The following GLT1D1 variants were observed in gnomAD, a reference collection of about 807,000 sequenced individuals.
The protein encoded by GLT1D1 is glycosyltransferase 1 domain containing 1.
Under a neutral mutation model 28.7 loss-of-function variants are expected in GLT1D1, and 21 were observed. The observed-to-expected ratio is 0.73, with a 90% CI of 0.52 to 1.05. The LOEUF is 1.05. GLT1D1 is among the 50% of genes least tolerant of loss of function. The pLI, the probability that GLT1D1 is intolerant of heterozygous loss-of-function variation, is 0.00. For missense variants in GLT1D1, 343 were observed against 330.6 expected (o/e 1.04, Z -0.29); for synonymous variants, 147 against 124.8 (o/e 1.18, Z -1.19).
rs543221894 is a variant in GLT1D1 at position 128,954,425 on chromosome 12, C to G, written c.541-3120C>G. Among the ~76,000 whole-genome samples the G allele has an allele frequency of 3.3e-5, 5 of 152,168 alleles. No individual in the cohort carries two copies. In the East Asian group the frequency reaches 7.7e-4, roughly 24 times the overall value. On this transcript the variant is annotated intron_variant, in intron 6 of 7. Coordinates refer to ENST00000281703, the MANE Select transcript of GLT1D1 (RefSeq NM_144669.3). ...GATTACAGGCGTGAGCCACTGTGCC[C>G]AGGCTAATATAGCTTTAATATAATT...
chr12:128,890,676 T>C (rs1354812845), intron 3 of GLT1D1, among the ~76,000 whole-genome samples: 3 of 150,876 alleles, frequency 2.0e-5, no homozygotes, highest in Non-Finnish European at 4.4e-5. Flanking sequence ...TTCCGGCTAC[T>C]TGGGAGGCTG....
At chr12:128,863,789 CA>C (rs1220925959) in intron 1 of GLT1D1, among the ~76,000 whole-genome samples, 2 of 151,440 alleles carry the variant, frequency 1.3e-5, no homozygotes, top group Non-Finnish European at 2.9e-5. Context: ...ACTAAAAATA[CA>C]AAAAAAGTAG....
At chr12:128,871,790 C>T (rs1384712328) in intron 1 of GLT1D1, among the ~76,000 whole-genome samples, 2 of 152,060 alleles carry the variant, frequency 1.3e-5, no homozygotes, top group Non-Finnish European at 2.9e-5. Flanking sequence ...AAATGCACAC[C>T]AGTTAATTCA....
intron 1 of GLT1D1, among the ~76,000 whole-genome samples, chr12:128,861,302 C>T (rs141556994): frequency 4.6e-5 from 7 of 152,130 alleles, no homozygotes; most frequent in Admixed American, 1.3e-4. Context: ...AGAACAGAGG[C>T]CCTCTGACCC....
At chr12:128,963,149 C>T (rs919542957) in intron 7 of GLT1D1, among the ~76,000 whole-genome samples, 3 of 152,164 alleles carry the variant, frequency 2.0e-5, no homozygotes, top group Non-Finnish European at 4.4e-5. Flanking sequence ...TGCACACCAA[C>T]GACAGTGGGT....
intron 2 of GLT1D1, among the ~76,000 whole-genome samples, chr12:128,879,382 CTTTCTT>C (rs1956956044): frequency 3.4e-5 from 1 of 29,356 alleles, no homozygotes; most frequent in Non-Finnish European, 6.4e-5. Context: ...TTTTCTTTTT[CTTTCTT>C]TCTTTCTTTC....
Position 128,853,559 on chromosome 12 carries a change from A to G in GLT1D1, c.-23A>G. ...TGGTCGGCGGCGGCGGGGCCGGTCG[A>G]TGGCCCGGGCGGCGGCGGCGGCATG... On this transcript the variant is annotated 5_prime_UTR_variant, in exon 1 of 8. An upstream start codon of the reference 5' UTR is lost. Coordinates refer to ENST00000281703, the MANE Select transcript of GLT1D1 (RefSeq NM_144669.3). The G allele has an allele frequency of 9.3e-7, 1 of 1,073,572 alleles. No homozygotes were observed. Among genetic ancestry groups the G allele is most frequent in the African/African-American group, 1.7e-5 (1 of 58,752 alleles). 66.5% of individuals were successfully genotyped at this position (1,073,572 alleles called of 1,614,324 possible). A position where few individuals can be genotyped will look rare whatever the true frequency, so the allele number is the denominator to read the frequency against.
At chr12:128,865,673 T>C (rs1017973571) in intron 1 of GLT1D1, among the ~76,000 whole-genome samples, 2 of 151,918 alleles carry the variant, frequency 1.3e-5, no homozygotes, top group Admixed American at 6.6e-5. Flanking sequence ...AATACAAAAA[T>C]TAGCCAGGCG....
At chr12:128,927,716 G>A (rs1288418938) in intron 4 of GLT1D1, among the ~76,000 whole-genome samples, 2 of 151,812 alleles carry the variant, frequency 1.3e-5, no homozygotes, top group African/African-American at 2.4e-5. Context: ...AGAGGAGTCC[G>A]GCTGGGCGCA....
intron 4 of GLT1D1, among the ~76,000 whole-genome samples, chr12:128,906,634 G>T (rs1870895439): frequency 6.6e-6 from 1 of 151,866 alleles, no homozygotes; most frequent in South Asian, 2.1e-4. Flanking sequence ...ACAAAAAAAA[G>T]CACAGTGTCA....
At chr12:128,936,396 C>T (rs61945031) in intron 4 of GLT1D1, among the ~76,000 whole-genome samples, 35,912 of 152,076 alleles carry the variant, frequency 0.24, 5,472 homozygotes, top group Non-Finnish European at 0.32. Context: ...ACTGGTGATC[C>T]GCCTGTCTCG....
chr12:128,969,232 C>T (rs1878791526), intron 7 of GLT1D1, among the ~76,000 whole-genome samples: 1 of 151,430 alleles, frequency 6.6e-6, no homozygotes, highest in African/African-American at 2.4e-5. Context: ...ATTGTCTCTT[C>T]CTCTGTCTCT....
chr12:128,909,135 C>T (rs571347030), intron 4 of GLT1D1, among the ~76,000 whole-genome samples: 1 of 152,080 alleles, frequency 6.6e-6, no homozygotes, highest in Non-Finnish European at 1.5e-5. Flanking sequence ...AAACCTCTTT[C>T]TTTGTTGTTA....
intron 4 of GLT1D1, among the ~76,000 whole-genome samples, chr12:128,942,743 G>GTTTTTTTTT (rs1254764237): frequency 2.0e-5 from 2 of 100,876 alleles, no homozygotes; most frequent in Admixed American, 1.1e-4. Flanking sequence ...TTGTTTGTTT[G>GTTTTTTTTT]TTTTTGTTTT....
At position 128,864,873 on chromosome 12, in the gene GLT1D1, G is replaced by A. The variant is rs558034652; in HGVS notation, c.69-11041G>A. ...TGCCAGAGGGGTGGGCATGGTGGGG[G>A]GCACTTGACGGTGTGCCTGTCTTGC... On this transcript the variant is annotated intron_variant, in intron 1 of 7. Transcript: ENST00000281703. Among the ~76,000 whole-genome samples the A allele has an allele frequency of 1.3e-4, 20 of 152,240 alleles. No homozygotes were observed. In the South Asian group the frequency reaches 4.1e-3, roughly 32 times the overall value.
intron 4 of GLT1D1, among the ~76,000 whole-genome samples, chr12:128,922,574 A>G (rs958155716): frequency 2.0e-5 from 3 of 152,220 alleles, no homozygotes; most frequent in African/African-American, 7.2e-5. Flanking sequence ...ACTTTTGGTC[A>G]AACAAGGACT....
chr12:128,891,280 G>T (rs73153424), intron 3 of GLT1D1, among the ~76,000 whole-genome samples: 2,787 of 152,172 alleles, frequency 0.018, 166 homozygotes, highest in Admixed American at 0.11. Flanking sequence ...CAGTCATGAG[G>T]TGCTCAGTGG....
In GLT1D1 at chr12:128,874,124, CTCTTTCTTTCTTTCTT is replaced by C. The variant is rs756979442; in HGVS notation, c.69-1752_69-1737del. On this transcript the variant is annotated intron_variant, in intron 1 of 7. Transcript: ENST00000281703. ...TCTCTCTCTCTCTCTCTCTCTCTCT[CTCTTTCTTTCTTTCTT>C]TCTTTCTTTCTTTCTTTCTTTCTTT... Among the ~76,000 whole-genome samples the C allele has an allele frequency of 3.2e-3, 127 of 39,244 alleles. 1 individual carries two copies. Among genetic ancestry groups the C allele is most frequent in the Middle Eastern group, 0.017 (1 of 58 alleles). 25.7% of individuals were successfully genotyped at this position (39,244 alleles called of 152,430 possible).
At chr12:128,923,760 G>A (rs1389661055) in intron 4 of GLT1D1, among the ~76,000 whole-genome samples, 1 of 152,026 alleles carries the variant, frequency 6.6e-6, no homozygotes, top group Non-Finnish European at 1.5e-5. Flanking sequence ...GACCTCAGGT[G>A]ATCTGCCCTC....
Sources: gnomAD v4.1 joint callset for allele counts (sites outside exome capture counted in the v4.1 genomes callset) on GRCh38, gnomAD v4.1.1 for gene constraint, MANE v1.5 for transcripts, NCBI Gene and HGNC (gene_info 2026-07-23, HGNC 2026-07-21) for gene names.